Variants in NELL2 observed in about 807,000 individuals in gnomAD.
NELL2 encodes the protein neural EGFL like 2, also known as protein kinase C-binding protein NELL2.
A neutral mutation model predicts 109.6 loss-of-function variants in NELL2; 41 were observed. The observed-to-expected ratio is 0.37, with a 90% confidence interval of 0.29 to 0.49. The LOEUF (loss-of-function observed/expected upper bound fraction) is 0.49, where lower values mean the gene tolerates loss of function less well. NELL2 is among the 20% of genes least tolerant of loss of function. NELL2 has a pLI of 0.98. For synonymous variants in NELL2, 355 were observed against 344.7 expected, an observed-to-expected ratio of 1.03 and a Z score of -0.33; for missense variants, 900 against 1,008.3, an observed-to-expected ratio of 0.89 and a Z score of 1.45.
At chr12:44,540,380 G>C (rs1253497090) in intron 15 of NELL2, among the ~76,000 whole-genome samples, 1 of 152,158 alleles carries the variant, frequency 6.6e-6, no homozygotes, top group Non-Finnish European at 1.5e-5. Context: ...CCAAAGATTA[G>C]AGTCTTTATG....
At chr12:44,775,928 G>T (rs1342709142) in intron 8 of NELL2, 94 bp downstream of exon 8, 14 of 1,421,756 alleles carry the variant, frequency 9.8e-6, no homozygotes, top group Non-Finnish European at 1.3e-5. Flanking sequence ...GAGGAAATGG[G>T]TCTTGAAATT....
At chr12:44,709,898 CT>C (rs1366039827) in intron 11 of NELL2, among the ~76,000 whole-genome samples, 3 of 152,182 alleles carry the variant, frequency 2.0e-5, no homozygotes, top group Non-Finnish European at 4.4e-5. Flanking sequence ...TGCACACATG[CT>C]TTGTGTAAGG....
chr12:44,613,800 A>C (rs547868283), intron 13 of NELL2, among the ~76,000 whole-genome samples: 5 of 152,174 alleles, frequency 3.3e-5, no homozygotes, highest in African/African-American at 9.6e-5. Context: ...ATCTCAATAA[A>C]TAGATAATTA....
intron 2 of NELL2, among the ~76,000 whole-genome samples, chr12:44,845,186 G>A (rs1439308277): frequency 1.3e-5 from 2 of 152,110 alleles, no homozygotes; most frequent in Admixed American, 6.5e-5. Flanking sequence ...AGAAACTCTA[G>A]CCTTCCTATT....
chr12:44,882,871 C>T (rs923067783), intron 1 of NELL2, among the ~76,000 whole-genome samples: 1 of 138,770 alleles, frequency 7.2e-6, no homozygotes, highest in Non-Finnish European at 1.5e-5. Flanking sequence ...GACAGAGTCT[C>T]CTTCTGTCAC....
At chr12:44,673,009 G>T (rs572489951) in intron 12 of NELL2, among the ~76,000 whole-genome samples, 1 of 152,284 alleles carries the variant, frequency 6.6e-6, no homozygotes, top group Admixed American at 6.5e-5. Flanking sequence ...AGACATATAA[G>T]ATTCATGACC....
intron 15 of NELL2, 22 bp downstream of exon 15, chr12:44,607,147 G>C (rs763625205): frequency 1.3e-6 from 2 of 1,586,656 alleles, no homozygotes; most frequent in African/African-American, 1.4e-5. Context: ...TCATTTTCTA[G>C]AAGATGAAAT....
At chr12:44,802,521 A>G (rs540602427) in intron 3 of NELL2, among the ~76,000 whole-genome samples, 61 of 152,094 alleles carry the variant, frequency 4.0e-4, no homozygotes, top group African/African-American at 1.2e-3. Flanking sequence ...ATATAAAGCT[A>G]TCAAGAGAAA....
intron 15 of NELL2, among the ~76,000 whole-genome samples, chr12:44,544,815 G>A (rs943275717): frequency 6.6e-6 from 1 of 152,036 alleles, no homozygotes; most frequent in Non-Finnish European, 1.5e-5. Flanking sequence ...AGATATCAGG[G>A]CTGGAAACAT....
chr12:44,690,611 A>G (rs1355227844), intron 12 of NELL2, among the ~76,000 whole-genome samples: 1 of 152,224 alleles, frequency 6.6e-6, no homozygotes, highest in South Asian at 2.1e-4. Flanking sequence ...AAAAACATCA[A>G]TCACAATTCT....
intron 5 of NELL2, among the ~76,000 whole-genome samples, chr12:44,778,555 C>T (rs1941836195): frequency 1.3e-5 from 2 of 152,126 alleles, no homozygotes; most frequent in Non-Finnish European, 2.9e-5. Context: ...CACACTTAGG[C>T]TCCATGGGAA....
At chr12:44,789,509 T>G (rs1942303291) in intron 3 of NELL2, among the ~76,000 whole-genome samples, 1 of 152,076 alleles carries the variant, frequency 6.6e-6, no homozygotes, top group Non-Finnish European at 1.5e-5. Context: ...TGACAGAACC[T>G]ACCCAAATGA....
At chr12:44,573,264 A>T (rs1943940450) in intron 15 of NELL2, among the ~76,000 whole-genome samples, 3 of 152,216 alleles carry the variant, frequency 2.0e-5, no homozygotes, top group African/African-American at 7.2e-5. Flanking sequence ...CAGTTTTGAG[A>T]TAGGGCAGAA....
chr12:44,592,165 C>T (rs1451186308), intron 15 of NELL2, among the ~76,000 whole-genome samples: 1 of 152,128 alleles, frequency 6.6e-6, no homozygotes, highest in Non-Finnish European at 1.5e-5. Context: ...TTTAACCTCC[C>T]TAAGCATTGG....
intron 2 of NELL2, 131 bp from the exon 3 acceptor site, chr12:44,816,267 C>G (rs1943346859): frequency 1.4e-6 from 1 of 690,556 alleles, no homozygotes; most frequent in Admixed American, 3.1e-5. Flanking sequence ...GTTTCAGACT[C>G]TTGGTAAATT....
chr12:44,589,239 A>G (rs1944656157), intron 15 of NELL2, among the ~76,000 whole-genome samples: 1 of 150,590 alleles, frequency 6.6e-6, no homozygotes, highest in Non-Finnish European at 1.5e-5. Flanking sequence ...TTAAGCTTAC[A>G]CTCATTCCTC....
At chr12:44,839,406 A>G (rs1327275886) in intron 2 of NELL2, among the ~76,000 whole-genome samples, 1 of 152,222 alleles carries the variant, frequency 6.6e-6, no homozygotes, top group Non-Finnish European at 1.5e-5. Context: ...AATAGAACAC[A>G]TTAAAAAAGA....
chr12:44,893,957 C>T (rs990586374), intron 1 of NELL2, among the ~76,000 whole-genome samples: 1 of 151,952 alleles, frequency 6.6e-6, no homozygotes, highest in African/African-American at 2.4e-5. Context: ...AAATTAAATT[C>T]TAGAAAAATA....
intron 9 of NELL2, among the ~76,000 whole-genome samples, chr12:44,725,997 T>C (rs979529579): frequency 6.6e-6 from 1 of 152,090 alleles, no homozygotes; most frequent in Non-Finnish European, 1.5e-5. Context: ...CCCCCAAACG[T>C]AAGAAAAAGT....
Sources: allele counts gnomAD v4.1 joint callset (sites outside exome capture counted in the v4.1 genomes callset), GRCh38; gene constraint gnomAD v4.1.1; transcripts MANE v1.5; gene names NCBI Gene and HGNC (gene_info 2026-07-23, HGNC 2026-07-21).